Variants in DCAF17 observed in about 807,000 individuals in gnomAD.
DCAF17 encodes DDB1- and CUL4-associated factor 17.
DCAF17 carries 48 observed loss-of-function variants against 66.0 expected under a neutral mutation model. That is an observed-to-expected ratio of 0.73 (90% CI 0.58 to 0.92). The LOEUF is 0.92. Among genes scored for constraint, DCAF17 ranks in the 40% least tolerant of loss-of-function variants. The probability of loss-of-function intolerance (pLI) is 0.00; values close to 1 mark genes in which losing one functional copy is unlikely to be tolerated. For missense variants in DCAF17, 562 were observed against 622.8 expected (o/e 0.90, Z 1.04); for synonymous variants, 206 against 214.6 (o/e 0.96, Z 0.35).
intron 8 of DCAF17, among the ~76,000 whole-genome samples, chr2:171,462,211 G>A (rs2105782100): frequency 6.6e-6 from 1 of 152,198 alleles, no homozygotes; most frequent in East Asian, 1.9e-4. Context: ...CATAAAAGAA[G>A]AGATTGATAA....
chr2:171,464,488 A>G (rs552186608), intron 8 of DCAF17, among the ~76,000 whole-genome samples: 1 of 152,248 alleles, frequency 6.6e-6, no homozygotes, highest in East Asian at 1.9e-4. Context: ...CTTTCTCCTT[A>G]TAAGGACACC....
chr2:171,478,155 G>A (rs753063138), intron 12 of DCAF17, 85 bp downstream of exon 12: 2 of 1,292,032 alleles, frequency 1.5e-6, no homozygotes, highest in Admixed American at 1.7e-5. Flanking sequence ...ATATCCTGGG[G>A]TAGAGGTTGG....
At position 171,476,891 on chromosome 2, in the gene DCAF17, A is replaced by C. The variant is rs1229950818; in HGVS notation, c.1123A>C (p.Ser375Arg). Reference protein sequence around the residue: ...VLKLTEIENNSSQHQISEDFV... With the variant: ...VLKLTEIENNRSQHQISEDFV... ...GAAGCTAACTGAAATAGAAAATAAT[A>C]GTTCTCAGCATCAGATCTCTGAAGA... Residue 375 changes from serine to arginine, a missense_variant, in exon 11 of 14, where the codon AGT becomes CGT. Around this residue, in one of 3 missense-constraint regions of DCAF17, gnomAD observed 201 missense variants for 231.1 expected, o/e 0.87. Coordinates refer to ENST00000375255, the MANE Select transcript of DCAF17 (RefSeq NM_025000.4). 3 of 1,613,790 alleles carry C rather than the reference A, an allele frequency of 1.9e-6. No homozygotes were observed.
chr2:171,453,603 G>T (rs765511733), intron 6 of DCAF17, among the ~76,000 whole-genome samples: 1 of 151,970 alleles, frequency 6.6e-6, no homozygotes, highest in African/African-American at 2.4e-5. Context: ...CTTGCTTTAT[G>T]ATATATAACA....
chr2:171,480,865 T>A lies in DCAF17; in HGVS notation c.1423-109T>A. On this transcript the variant is annotated intron_variant, in intron 13 of 13. Coordinates refer to ENST00000375255, the MANE Select transcript of DCAF17 (RefSeq NM_025000.4). Reference sequence around the variant, plus strand: ...AACCTCTTTCTAGCAACTATTTTCTTCTAAGTGTATGTTTGAAGATCCCTA... The same window carrying A: ...AACCTCTTTCTAGCAACTATTTTCTACTAAGTGTATGTTTGAAGATCCCTA... 4 of 1,363,458 alleles carry A rather than the reference T, an allele frequency of 2.9e-6. No individual in the cohort carries two copies. The South Asian group carries it at 4.8e-5, about 16-fold the overall frequency. 84.5% of individuals were successfully genotyped at this position (1,363,458 alleles called of 1,614,324 possible). A position where few individuals can be genotyped will look rare whatever the true frequency, so the allele number is the denominator to read the frequency against.
intron 4 of DCAF17, 85 bp downstream of exon 4, chr2:171,448,902 G>A: frequency 7.8e-7 from 1 of 1,282,248 alleles, no homozygotes; most frequent in Non-Finnish European, 1.1e-6. Flanking sequence ...TTTTTTCCCT[G>A]TCAGTTTTCT....
intron 2 of DCAF17, among the ~76,000 whole-genome samples, chr2:171,438,783 C>CTGGA (rs1694116234): frequency 6.6e-6 from 1 of 152,092 alleles, no homozygotes; most frequent in Non-Finnish European, 1.5e-5. Flanking sequence ...GTCTCCCAGG[C>CTGGA]TGGAGTGCAG....
chr2:171,463,785 T>A (rs1695735776), intron 8 of DCAF17, among the ~76,000 whole-genome samples: 1 of 147,050 alleles, frequency 6.8e-6, no homozygotes, highest in African/African-American at 2.4e-5. Context: ...TTACTGCTTT[T>A]ACCTTCAATA....
intron 3 of DCAF17, chr2:171,447,368 C>T (rs1041183927): frequency 2.7e-6 from 1 of 363,818 alleles, no homozygotes; most frequent in Non-Finnish European, 5.4e-6. Flanking sequence ...TTCTTTCTTT[C>T]TTTTTTTCTT....
At chr2:171,450,657 G>C (rs1285224515) in intron 5 of DCAF17, among the ~76,000 whole-genome samples, 2 of 152,110 alleles carry the variant, frequency 1.3e-5, no homozygotes, top group African/African-American at 4.8e-5. Context: ...CCTAGAAAAA[G>C]CAAATACTTA....
intron 2 of DCAF17, among the ~76,000 whole-genome samples, chr2:171,440,844 T>A (rs1694266074): frequency 6.6e-6 from 1 of 152,204 alleles, no homozygotes; most frequent in African/African-American, 2.4e-5. Flanking sequence ...GTTTGCCCTG[T>A]GACCTGAATT....
rs1464972931 is a variant in DCAF17, at chr2:171,481,073, G to A, written c.1522G>A (p.Asp508Asn). ...CTGCTATGTTTACCAGATGATATGT[G>A]ACACTGGGGAAGAAGAAGAAACCAT... Reference protein sequence around the residue: ...FSCYVYQMICDTGEEEETINR... With the variant: ...FSCYVYQMICNTGEEEETINR... The change falls in exon 14 of 14, where the codon GAC (aspartate) becomes AAC (asparagine). Residue 508 changes from aspartate (D) to asparagine (N), a missense_variant. Asp to Asn is a conservative substitution (Grantham distance 23). This residue lies in a region of DCAF17 where 201 missense variants were observed against 231.1 expected (regional missense o/e 0.87). Transcript: ENST00000375255. The A allele has an allele frequency of 6.2e-7, 1 of 1,613,770 alleles. No homozygotes were observed. The highest frequency in any genetic ancestry group is 1.1e-5 in the South Asian group (1 of 91,074).
At chr2:171,450,622 TTC>T (rs1381540944) in intron 5 of DCAF17, among the ~76,000 whole-genome samples, 1 of 152,178 alleles carries the variant, frequency 6.6e-6, no homozygotes, top group Non-Finnish European at 1.5e-5. Context: ...TTTAGAGGTT[TTC>T]TGTTTCTTTA....
rs1332683391 is a variant in DCAF17, at chr2:171,434,687, G to A, written c.110G>A (p.Arg37Gln). The change falls in exon 1 of 14, where the codon CGG becomes CAG. Residue 37 changes from arginine (R) to glutamine (Q), a missense_variant. Arg to Gln is a conservative substitution (Grantham distance 43). Coordinates refer to ENST00000375255, the MANE Select transcript of DCAF17 (RefSeq NM_025000.4). ...CAGAGGACCAACCTGGGCATCCTGC[G>A]GGCGCTGGTGTGCCAGGTGACCGCC... ...VVQRTNLGIL[R>Q]ALVCQESTKF... 1.3e-6 allele frequency: 2 copies of A among 1,498,134 alleles called. No homozygotes were observed. Among genetic ancestry groups the A allele is most frequent in the Non-Finnish European group, 1.8e-6 (2 of 1,132,550 alleles). 92.8% of individuals were successfully genotyped at this position (1,498,134 alleles called of 1,614,324 possible). A position where few individuals can be genotyped will look rare whatever the true frequency, so the allele number is the denominator to read the frequency against.
At chr2:171,460,513 C>T (rs530867060) in intron 8 of DCAF17, among the ~76,000 whole-genome samples, 224 of 134,166 alleles carry the variant, frequency 1.7e-3, no homozygotes, top group African/African-American at 5.8e-3. Context: ...TGATAGTGGG[C>T]AAATTATTAT....
chr2:171,478,155 G>T (rs753063138), intron 12 of DCAF17, 85 bp downstream of exon 12: 21 of 1,292,150 alleles, frequency 1.6e-5, no homozygotes, highest in Non-Finnish European at 2.3e-5. Flanking sequence ...ATATCCTGGG[G>T]TAGAGGTTGG....
At chr2:171,477,822 T>G (rs923884543) in intron 11 of DCAF17, among the ~76,000 whole-genome samples, 165 bp from the exon 12 acceptor site, 6 of 152,154 alleles carry the variant, frequency 3.9e-5, no homozygotes, top group African/African-American at 9.7e-5. Context: ...TCTCAAAATA[T>G]GAAACGGAGG....
At position 171,435,166 on chromosome 2, in the gene DCAF17, T is replaced by G. The variant is rs770773053; in HGVS notation, c.210T>G (p.Asn70Lys). 20 of 1,613,344 alleles carry G rather than the reference T, an allele frequency of 1.2e-5. No individual in the cohort carries two copies. The highest frequency in any genetic ancestry group is 1.7e-5 in the Non-Finnish European group (20 of 1,179,358). Residue 70 changes from asparagine to lysine, a missense_variant, in exon 2 of 14, where the codon AAT becomes AAG. Transcript: ENST00000375255. Reference protein sequence around the residue: ...AYERGRIYFDNYRRCVSSVAS... With the variant: ...AYERGRIYFDKYRRCVSSVAS... ...AGAGAGGAAGAATATATTTTGACAA[T>G]TATCGGCGCTGTGTCAGCAGGTAAC...
intron 6 of DCAF17, among the ~76,000 whole-genome samples, chr2:171,457,158 T>G (rs1232560854): frequency 6.6e-6 from 1 of 152,202 alleles, no homozygotes; most frequent in Non-Finnish European, 1.5e-5. Flanking sequence ...TAAACAATAC[T>G]TATCCTTCTA....
Sources: allele counts gnomAD v4.1 joint callset (sites outside exome capture counted in the v4.1 genomes callset), GRCh38; gene constraint gnomAD v4.1.1; regional missense constraint gnomAD v4.1.1; transcripts MANE v1.5; gene names NCBI Gene and HGNC (gene_info 2026-07-23, HGNC 2026-07-21).